LRRTM3: variants seen among roughly 807,000 people sequenced by gnomAD.
LRRTM3 encodes leucine-rich repeat transmembrane neuronal protein 3.
LRRTM3 carries 24 observed loss-of-function variants against 44.7 expected under a neutral mutation model. The observed-to-expected ratio is 0.54, with a 90% CI of 0.39 to 0.76. The LOEUF is 0.76. Among genes scored for constraint, LRRTM3 ranks in the 30% least tolerant of loss-of-function variants. The pLI is 0.00. For missense variants in LRRTM3, 587 were observed against 702.2 expected, an observed-to-expected ratio of 0.84 and a Z score of 1.85; for synonymous variants, 277 against 278.7, an observed-to-expected ratio of 0.99 and a Z score of 0.06.
intron 2 of LRRTM3, among the ~76,000 whole-genome samples, chr10:66,930,546 T>C (rs886674739): frequency 6.6e-6 from 1 of 152,222 alleles, no homozygotes; most frequent in Non-Finnish European, 1.5e-5. Context: ...ACCCCATTTC[T>C]ATTCTTTTTC....
At chr10:67,041,721 T>G (rs2133148227) in intron 2 of LRRTM3, among the ~76,000 whole-genome samples, 1 of 152,284 alleles carries the variant, frequency 6.6e-6, no homozygotes, top group Non-Finnish European at 1.5e-5. Context: ...AATTGAGTTC[T>G]TACCATGAGC....
chr10:67,057,538 T>C (rs1004783557), intron 2 of LRRTM3, among the ~76,000 whole-genome samples: 1 of 152,188 alleles, frequency 6.6e-6, no homozygotes, highest in African/African-American at 2.4e-5. Flanking sequence ...GTGTCTGGCT[T>C]ATTTCACTTA....
At chr10:67,051,818 C>A (rs1465886671) in intron 2 of LRRTM3, among the ~76,000 whole-genome samples, 1 of 150,572 alleles carries the variant, frequency 6.6e-6, no homozygotes, top group African/African-American at 2.5e-5. Flanking sequence ...GCAGTGGCAC[C>A]ATCTCGGCTC....
chr10:66,961,084 T>G (rs1849085990), intron 2 of LRRTM3, among the ~76,000 whole-genome samples: 1 of 152,230 alleles, frequency 6.6e-6, no homozygotes, highest in South Asian at 2.1e-4. Context: ...GATATGCTAA[T>G]TCATAAAATG....
intron 2 of LRRTM3, 41 bp downstream of exon 2, chr10:66,928,493 A>T (rs1564773283): frequency 1.3e-6 from 2 of 1,529,768 alleles, no homozygotes; most frequent in Non-Finnish European, 1.8e-6. Flanking sequence ...AAAAGCTGGG[A>T]AATAAGTGGT....
chr10:67,087,573 G>A (rs1198313067), intron 2 of LRRTM3, among the ~76,000 whole-genome samples: 1 of 151,510 alleles, frequency 6.6e-6, no homozygotes, highest in East Asian at 1.9e-4. Flanking sequence ...AATAATAAAG[G>A]ATTTTTAAAT....
At chr10:67,046,506 T>C (rs1440411136) in intron 2 of LRRTM3, among the ~76,000 whole-genome samples, 1 of 152,174 alleles carries the variant, frequency 6.6e-6, no homozygotes, top group African/African-American at 2.4e-5. Flanking sequence ...AACAAGGGGA[T>C]TCCTGGAAAG....
intron 2 of LRRTM3, among the ~76,000 whole-genome samples, chr10:66,991,671 CCT>C (rs1368873869): frequency 1.3e-5 from 2 of 152,074 alleles, no homozygotes; most frequent in Admixed American, 1.3e-4. Context: ...CCCGCCTCAG[CCT>C]CCTGAGTAGC....
chr10:66,946,251 A>T lies in LRRTM3; in HGVS notation c.1536+17799A>T, dbSNP rs116372441. ...TAGAGAGGGAGAGAATTGGAATCCA[A>T]TGATAATTATCTTATTCTTTGGAAA... On this transcript the variant is annotated intron_variant, in intron 2 of 2. Transcript: ENST00000361320. 4.0e-3 allele frequency among the ~76,000 whole-genome samples: 607 copies of T among 152,310 alleles called. 4 individuals are homozygous for T. Among genetic ancestry groups the T allele is most frequent in the African/African-American group, 0.014 (579 of 41,578 alleles).
intron 2 of LRRTM3, among the ~76,000 whole-genome samples, chr10:66,969,512 G>A (rs893574028): frequency 5.9e-5 from 9 of 151,974 alleles, no homozygotes; most frequent in Non-Finnish European, 1.3e-4. Flanking sequence ...TTATTTCCTC[G>A]GGATACATTT....
At chr10:67,022,375 CA>C (rs1853076918) in intron 2 of LRRTM3, among the ~76,000 whole-genome samples, 1 of 151,896 alleles carries the variant, frequency 6.6e-6, no homozygotes. Context: ...TATGAAGGAA[CA>C]AGTTATCCAC....
chr10:67,073,560 C>A (rs1856579088), intron 2 of LRRTM3, among the ~76,000 whole-genome samples: 1 of 149,996 alleles, frequency 6.7e-6, no homozygotes, highest in African/African-American at 2.5e-5. Context: ...ATGATTAAGC[C>A]CAATAAAGAG....
chr10:67,090,747 C>T (rs1857582484), intron 2 of LRRTM3, among the ~76,000 whole-genome samples: 1 of 152,002 alleles, frequency 6.6e-6, no homozygotes, highest in Non-Finnish European at 1.5e-5. Flanking sequence ...CACGCATCAA[C>T]TGACAGACGC....
At chr10:66,974,495 G>A (rs1463075271) in intron 2 of LRRTM3, among the ~76,000 whole-genome samples, 6 of 152,266 alleles carry the variant, frequency 3.9e-5, no homozygotes, top group African/African-American at 1.4e-4. Flanking sequence ...GCCAGCATAT[G>A]TTTTTATTTC....
chr10:66,988,713 G>T (rs10733833), intron 2 of LRRTM3, among the ~76,000 whole-genome samples: 1 of 151,818 alleles, frequency 6.6e-6, no homozygotes, highest in Admixed American at 6.6e-5. Flanking sequence ...GGTCACCTCT[G>T]AATACTAGGA....
intron 2 of LRRTM3, among the ~76,000 whole-genome samples, chr10:66,951,882 A>G (rs985875258): frequency 6.6e-6 from 1 of 152,190 alleles, no homozygotes; most frequent in African/African-American, 2.4e-5. Context: ...CAGAAAGCCC[A>G]TCTCCAAGTC....
In LRRTM3 at chr10:67,030,411, A is replaced by C. The variant is rs189950204; in HGVS notation, c.1537-67176A>C. Among the ~76,000 whole-genome samples, 11 of 152,282 alleles carry C rather than the reference A, an allele frequency of 7.2e-5. No individual in the cohort carries two copies. In the East Asian group the frequency reaches 1.9e-3, roughly 27 times the overall value. ...TATTTAAATAGCTCACCAGTTAAAAATTTAGGCCCTGTTGTGAATTAAGGA... is the reference window on the plus strand; with the variant it reads ...TATTTAAATAGCTCACCAGTTAAAACTTTAGGCCCTGTTGTGAATTAAGGA... On this transcript the variant is annotated intron_variant, in intron 2 of 2. Transcript: ENST00000361320.
chr10:67,087,227 A>G (rs1342677913), intron 2 of LRRTM3, among the ~76,000 whole-genome samples: 1 of 152,046 alleles, frequency 6.6e-6, no homozygotes, highest in Non-Finnish European at 1.5e-5. Context: ...TTGGCACTAC[A>G]AAAATAAAAC....
intron 2 of LRRTM3, among the ~76,000 whole-genome samples, chr10:67,001,913 G>C (rs1321962071): frequency 6.6e-6 from 1 of 152,086 alleles, no homozygotes; most frequent in Non-Finnish European, 1.5e-5. Flanking sequence ...CTACAACCAG[G>C]CATTTCTCTT....
Sources: allele counts gnomAD v4.1 joint callset (sites outside exome capture counted in the v4.1 genomes callset), GRCh38; gene constraint gnomAD v4.1.1; transcripts MANE v1.5; gene names NCBI Gene and HGNC (gene_info 2026-07-23, HGNC 2026-07-21).